The following LRP5 variants were observed in gnomAD, a reference collection of about 807,000 sequenced individuals.
LRP5 encodes the protein low-density lipoprotein receptor-related protein 5.
In LRP5, 62 loss-of-function variants were observed where a neutral mutation model predicts 154.1. That is an observed-to-expected ratio of 0.40 (90% CI 0.33 to 0.50). The LOEUF is 0.50. Ranked by LOEUF, LRP5 falls within the 20% of genes least tolerant of loss-of-function variation. The probability of loss-of-function intolerance (pLI) is 0.55; values close to 1 mark genes in which losing one functional copy is unlikely to be tolerated. For synonymous variants in LRP5, 966 were observed against 1,011.5 expected (o/e 0.96, Z 0.85); for missense variants, 1,915 against 2,336.7 (o/e 0.82, Z 3.72).
chr11:68,393,359 T>TA (rs1227797824), intron 7 of LRP5, among the ~76,000 whole-genome samples: 6 of 152,234 alleles, frequency 3.9e-5, no homozygotes, highest in Non-Finnish European at 8.8e-5. Flanking sequence ...AGTCCTATGG[T>TA]AATGTTAGGT....
intron 9 of LRP5, 37 bp from the exon 10 acceptor site, chr11:68,409,877 C>A: frequency 6.8e-7 from 1 of 1,479,056 alleles, no homozygotes; most frequent in Non-Finnish European, 9.5e-7. Flanking sequence ...ATGCTGGTTC[C>A]TAAAATGTGG....
intron 9 of LRP5, among the ~76,000 whole-genome samples, chr11:68,407,335 A>T (rs60701851): frequency 1.3e-5 from 2 of 151,156 alleles, no homozygotes; most frequent in African/African-American, 4.9e-5. Context: ...CACCCAGCTA[A>T]TTTTTTTTAT....
chr11:68,373,677 A>G (rs2098635706), intron 5 of LRP5, among the ~76,000 whole-genome samples: 1 of 152,086 alleles, frequency 6.6e-6, no homozygotes, highest in Non-Finnish European at 1.5e-5. Flanking sequence ...CCCTCCACAC[A>G]GCCCCAGGAC....
chr11:68,305,312 C>T, the LRP5 span, among the ~76,000 whole-genome samples: 1 of 151,960 alleles, frequency 6.6e-6, no homozygotes, highest in Non-Finnish European at 1.5e-5. Context: ...GCTCTGCCTT[C>T]CACGATGAGT....
intron 1 of LRP5, among the ~76,000 whole-genome samples, chr11:68,324,166 G>T (rs312025): frequency 6.6e-6 from 1 of 152,240 alleles, no homozygotes; most frequent in Admixed American, 6.5e-5. Flanking sequence ...TAGTCCTGCC[G>T]CAGAGCAGCC....
intron 1 of LRP5, among the ~76,000 whole-genome samples, chr11:68,341,023 A>G (rs1214583899): frequency 1.1e-4 from 15 of 138,650 alleles, no homozygotes; most frequent in Non-Finnish European, 1.5e-4. Flanking sequence ...TTCCACGGAG[A>G]CAATAGTCTA....
At chr11:68,443,267 C>G (rs1055117951) in intron 21 of LRP5, among the ~76,000 whole-genome samples, 2 of 151,726 alleles carry the variant, frequency 1.3e-5, no homozygotes, top group South Asian at 2.1e-4. Flanking sequence ...CTTTAGGAGG[C>G]TGAGATGAGC....
At chr11:68,300,853 G>A in the LRP5 span, among the ~76,000 whole-genome samples, 1 of 149,332 alleles carries the variant, frequency 6.7e-6, no homozygotes, top group East Asian at 1.9e-4. Context: ...CTTGTTGGCT[G>A]ATATATACAT....
Position 68,389,871 on chromosome 11 carries a change from T to G in LRP5, c.1413-10T>G. On this transcript the variant is annotated splice_polypyrimidine_tract_variant and intron_variant, in intron 6 of 22. Transcript: ENST00000294304. ...ACTCATGGGGTCATGGACTTCTGCT[T>G]CTTCTCCAGCCTCATGTACTGGACA... The G allele has an allele frequency of 6.2e-7, 1 of 1,614,248 alleles. No individual in the cohort carries two copies. The highest frequency in any genetic ancestry group is 2.2e-5 in the East Asian group (1 of 44,888).
chr11:68,440,925 C>T (rs142387826), intron 21 of LRP5, among the ~76,000 whole-genome samples: 2,114 of 152,154 alleles, frequency 0.014, 52 homozygotes, highest in African/African-American at 0.048. Flanking sequence ...TGTGCCACCA[C>T]GCCCAGCTAA....
chr11:68,438,032 C>A lies in LRP5; in HGVS notation c.4112-414C>A, dbSNP rs529315763. Among the ~76,000 whole-genome samples the A allele has an allele frequency of 2.3e-3, 345 of 152,326 alleles. 1 individual carries two copies. In the Middle Eastern group the frequency reaches 0.024, roughly 11 times the overall value. On this transcript the variant is annotated intron_variant, in intron 19 of 22. Coordinates refer to ENST00000294304, the MANE Select transcript of LRP5 (RefSeq NM_002335.4). ...ATAGTGGAGTGGCCCAAGGAGCCCA[C>A]CCAGCCGACCCTGCCCCTCCCGTGG...
intron 12 of LRP5, 95 bp from the exon 13 acceptor site, chr11:68,416,233 T>A: frequency 3.7e-6 from 4 of 1,083,792 alleles, no homozygotes; most frequent in Middle Eastern, 4.9e-4. Context: ...GGGCAGATGC[T>A]GAGCCGCCTG....
At chr11:68,301,814 G>T in the LRP5 span, among the ~76,000 whole-genome samples, 1 of 151,116 alleles carries the variant, frequency 6.6e-6, no homozygotes, top group Non-Finnish European at 1.5e-5. Context: ...TTTTTTAGTA[G>T]AGACGGGGCT....
chr11:68,424,709 G>A (rs2098667712), intron 14 of LRP5, among the ~76,000 whole-genome samples: 1 of 152,226 alleles, frequency 6.6e-6, no homozygotes, highest in South Asian at 2.1e-4. Flanking sequence ...AAGGCTCTGA[G>A]GGAACCTTTG....
intron 2 of LRP5, among the ~76,000 whole-genome samples, chr11:68,354,035 C>T (rs2098620981): frequency 6.6e-6 from 1 of 152,288 alleles, no homozygotes; most frequent in Middle Eastern, 3.4e-3. Flanking sequence ...TGGGAGGAGT[C>T]CCCGGCCTGT....
rs564951437 is a variant in LRP5 at position 68,398,020 on chromosome 11, G to A, written c.1585-5463G>A. 8.2e-4 allele frequency among the ~76,000 whole-genome samples: 120 copies of A among 146,958 alleles called. 2 individuals carry two copies. In the South Asian group the frequency reaches 0.016, roughly 20 times the overall value. ...TGTGTGTGTGTGTGTTTGCGTGCGC[G>A]CACATGTGTATAAGATCTTTTTTTA... On this transcript the variant is annotated intron_variant, in intron 7 of 22. Transcript: ENST00000294304.
At chr11:68,433,925 G>A in intron 18 of LRP5, 87 bp downstream of exon 18, 1 of 1,296,064 alleles carries the variant, frequency 7.7e-7, no homozygotes, top group Admixed American at 1.9e-5. Context: ...CCTCACAGGA[G>A]TAGGGGCTCT....
intron 5 of LRP5, among the ~76,000 whole-genome samples, chr11:68,367,895 C>T (rs2098631957): frequency 6.6e-6 from 1 of 152,110 alleles, no homozygotes; most frequent in Non-Finnish European, 1.5e-5. Flanking sequence ...GAAACTCCAT[C>T]TCTACTAAAA....
rs868085658 is a variant in LRP5 at position 68,365,689 on chromosome 11, G to A, written c.1002G>A (p.Arg334=). 22 of 1,488,600 alleles carry A rather than the reference G, an allele frequency of 1.5e-5. No individual in the cohort carries two copies. The Middle Eastern group carries it at 9.6e-4, about 65-fold the overall frequency. The allele number at this position is 1,488,600 out of a possible 1,614,324, so 92.2% of individuals were successfully genotyped here. A position where few individuals can be genotyped will look rare whatever the true frequency, so the allele number is the denominator to read the frequency against. ...GTGTGCAGCTGCAGGACAACGGCAG[G>A]ACGTGTAAGGCAGGTGAGGCGGTGG... ...PTGVQLQDNG[R]TCKAGAEEVL... Residue 334 remains arginine, a synonymous_variant, in exon 5 of 23, where the codon AGG becomes AGA. Transcript: ENST00000294304.
Sources: gnomAD v4.1 joint callset for allele counts (sites outside exome capture counted in the v4.1 genomes callset) on GRCh38, gnomAD v4.1.1 for gene constraint, MANE v1.5 for transcripts, NCBI Gene and HGNC (gene_info 2026-07-23, HGNC 2026-07-21) for gene names.